The following BCAS3 variants were observed in gnomAD, a reference collection of about 807,000 sequenced individuals.
The protein encoded by BCAS3 is BCAS4/BCAS3 fusion.
In BCAS3, 53 loss-of-function variants were observed where a neutral mutation model predicts 116.1. The ratio of observed to expected loss-of-function variants is 0.46; its 90% CI spans 0.37 to 0.57. The LOEUF (loss-of-function observed/expected upper bound fraction) is 0.57. Among genes scored for constraint, BCAS3 ranks in the 20% least tolerant of loss-of-function variants. BCAS3 has a pLI of 0.00. For missense variants in BCAS3, 917 were observed against 1,165.4 expected, an observed-to-expected ratio of 0.79 and a Z score of 3.10; for synonymous variants, 391 against 408.2, an observed-to-expected ratio of 0.96 and a Z score of 0.51.
intron 22 of BCAS3, among the ~76,000 whole-genome samples, chr17:61,193,113 T>C (rs1369854613): frequency 6.6e-6 from 1 of 151,978 alleles, no homozygotes; most frequent in Non-Finnish European, 1.5e-5. Context: ...AATACAAAAA[T>C]TAGCTGGGTG....
At chr17:61,210,552 A>C (rs2081398350) in intron 22 of BCAS3, among the ~76,000 whole-genome samples, 1 of 152,250 alleles carries the variant, frequency 6.6e-6, no homozygotes, top group Non-Finnish European at 1.5e-5. Context: ...GAGTAAGATA[A>C]CATCAGTAAA....
intron 22 of BCAS3, among the ~76,000 whole-genome samples, chr17:61,120,600 T>A (rs2075736536): frequency 6.6e-6 from 1 of 152,096 alleles, no homozygotes. Context: ...TAGCAACCCA[T>A]CACCAAACTA....
At position 61,380,078 on chromosome 17, in the gene BCAS3, A is replaced by T. The variant is rs78287962; in HGVS notation, c.2593+11584A>T. ...TAGGATCCTGTGGTTAGTGCCCTTG[A>T]GCTGGTCTTTGTGACCTTTCTCTAA... On this transcript the variant is annotated intron_variant, in intron 23 of 23. Coordinates refer to ENST00000407086, the MANE Select transcript of BCAS3 (RefSeq NM_017679.5). The surrounding 1 kb of genome is among the most constrained non-coding windows in gnomAD (Gnocchi z 4.2). 7.4e-3 allele frequency: 1,390 copies of T among 188,974 alleles called. 25 individuals carry two copies. The highest frequency in any genetic ancestry group is 0.031 in the African/African-American group (1,299 of 42,566). 11.7% of individuals were successfully genotyped at this position (188,974 alleles called of 1,614,324 possible). A position where few individuals can be genotyped will look rare whatever the true frequency, so the allele number is the denominator to read the frequency against.
At chr17:61,329,672 G>C (rs2056090380) in intron 22 of BCAS3, among the ~76,000 whole-genome samples, 1 of 152,114 alleles carries the variant, frequency 6.6e-6, no homozygotes. Context: ...AGAAATAATA[G>C]TAAAGACTTT....
At chr17:60,892,337 A>G (rs1426966468) in intron 10 of BCAS3, among the ~76,000 whole-genome samples, 1 of 138,518 alleles carries the variant, frequency 7.2e-6, no homozygotes, top group African/African-American at 2.7e-5. Flanking sequence ...TTTGAGACAG[A>G]GTTTTGCTTT....
intron 5 of BCAS3, among the ~76,000 whole-genome samples, chr17:60,724,866 T>G (rs1176466380): frequency 6.6e-6 from 1 of 151,986 alleles, no homozygotes; most frequent in Non-Finnish European, 1.5e-5. Flanking sequence ...TTTCCTTTTT[T>G]GTAGAGACAG....
intron 2 of BCAS3, 127 bp from the exon 3 acceptor site, chr17:60,683,855 C>T: frequency 2.4e-6 from 2 of 843,612 alleles, no homozygotes; most frequent in Non-Finnish European, 3.7e-6. Flanking sequence ...ACAAAACAAA[C>T]AAAAAAACCC....
In BCAS3 at chr17:61,211,897, C is replaced by G. The variant is rs1267557941; in HGVS notation, c.2425+127333C>G. 3.9e-5 allele frequency among the ~76,000 whole-genome samples: 6 copies of G among 152,222 alleles called. No homozygotes were observed. Among genetic ancestry groups the G allele is most frequent in the Non-Finnish European group, 5.9e-5 (4 of 68,048 alleles). ...AAAGTTAATATCGTCAAAGATCTGA[C>G]TATAATCCATTTCATTCACTGTTGC... On this transcript the variant is annotated intron_variant, in intron 22 of 23. Coordinates refer to ENST00000407086, the MANE Select transcript of BCAS3 (RefSeq NM_017679.5). This position sits in a 1 kb window ranked among gnomAD's most constrained non-coding sequence, Gnocchi z 4.4.
In BCAS3 at chr17:61,124,618, G is replaced by A. The variant is rs1460352151; in HGVS notation, c.2425+40054G>A. Among the ~76,000 whole-genome samples the A allele has an allele frequency of 6.6e-6, 1 of 152,114 alleles. No homozygotes were observed. Among genetic ancestry groups the A allele is most frequent in the African/African-American group, 2.4e-5 (1 of 41,418 alleles). On this transcript the variant is annotated intron_variant, in intron 22 of 23. Coordinates refer to ENST00000407086, the MANE Select transcript of BCAS3 (RefSeq NM_017679.5). This position sits in a 1 kb window ranked among gnomAD's most constrained non-coding sequence, Gnocchi z 4.6. ...TATTTTTTCACTATTTTTCCCTAGT[G>A]AGTTATGTAGTTAATCATATTAAAC... is the stretch of plus-strand genomic sequence containing the variant.
intron 15 of BCAS3, among the ~76,000 whole-genome samples, chr17:61,015,294 G>A (rs572771484): frequency 1.3e-5 from 2 of 152,120 alleles, no homozygotes; most frequent in African/African-American, 4.8e-5. Flanking sequence ...CTTCTTTTTT[G>A]TTTGTTTGTT....
intron 14 of BCAS3, among the ~76,000 whole-genome samples, chr17:60,955,800 A>G (rs1457508455): frequency 1.3e-5 from 2 of 152,190 alleles, no homozygotes; most frequent in African/African-American, 4.8e-5. Context: ...ATTTTTGTCA[A>G]AAGTGCCTCA....
At chr17:61,306,698 C>T (rs1328687998) in intron 22 of BCAS3, among the ~76,000 whole-genome samples, 1 of 152,112 alleles carries the variant, frequency 6.6e-6, no homozygotes, top group Non-Finnish European at 1.5e-5. Context: ...ATCGCTTGAG[C>T]CCAGGAGCTC....
At chr17:61,238,527 G>A (rs1386432714) in intron 22 of BCAS3, among the ~76,000 whole-genome samples, 1 of 151,980 alleles carries the variant, frequency 6.6e-6, no homozygotes, top group Non-Finnish European at 1.5e-5. Flanking sequence ...AGGCACAAGA[G>A]TATTTCTGCT....
chr17:60,790,401 T>A (rs1449561594), intron 6 of BCAS3, among the ~76,000 whole-genome samples: 1 of 152,182 alleles, frequency 6.6e-6, no homozygotes, highest in Non-Finnish European at 1.5e-5. Flanking sequence ...TAGCCATTGT[T>A]AAAGGTGAAG....
Position 61,258,731 on chromosome 17 carries a change from G to T in BCAS3, c.2426-109596G>T, listed in dbSNP as rs908534942. Among the ~76,000 whole-genome samples the T allele has an allele frequency of 6.6e-6, 1 of 152,168 alleles. No homozygotes were observed. The highest frequency in any genetic ancestry group is 1.5e-5 in the Non-Finnish European group (1 of 68,024). ...TAGTAGACTCATTTGATATAACAGG[G>T]ACTGGTATACACCCTCTGTAGTTGA... On this transcript the variant is annotated intron_variant, in intron 22 of 23. Transcript: ENST00000407086. The surrounding 1 kb of genome is among the most constrained non-coding windows in gnomAD (Gnocchi z 4.7).
intron 9 of BCAS3, chr17:60,886,916 C>G (rs1305092175): frequency 2.0e-5 from 3 of 152,044 alleles, no homozygotes; most frequent in East Asian, 3.9e-4. Flanking sequence ...GTGCCCTGCC[C>G]CCAGAGGTGG....
intron 14 of BCAS3, among the ~76,000 whole-genome samples, chr17:60,972,667 G>A (rs1176447395): frequency 6.6e-6 from 1 of 151,952 alleles, no homozygotes; most frequent in African/African-American, 2.4e-5. Context: ...GCCCAGGCTG[G>A]TCTTGAATCC....
Position 61,074,976 on chromosome 17 carries a change from G to A in BCAS3, c.2086G>A (p.Ala696Thr), listed in dbSNP as rs1396840997. The A allele has an allele frequency of 6.2e-7, 1 of 1,613,746 alleles. No individual in the cohort carries two copies. Among genetic ancestry groups the A allele is most frequent in the African/African-American group, 1.3e-5 (1 of 75,026 alleles). The change falls in exon 20 of 24, where the codon GCT (alanine) becomes ACT (threonine). Residue 696 changes from alanine to threonine, a missense_variant. Around this residue, in one of 3 missense-constraint regions of BCAS3, gnomAD observed 807 missense variants for 1,026.0 expected, o/e 0.79. Transcript: ENST00000407086. ...ITRHGSYDSL[A>T]SDHSGQEDEE... Reference sequence around the variant, plus strand: ...TCGACATGGGTCTTACGACAGTTTAGCTTCTGACCATAGTGGACAGGAAGA... The same window carrying A: ...TCGACATGGGTCTTACGACAGTTTAACTTCTGACCATAGTGGACAGGAAGA...
rs2073277669 is a variant in BCAS3 at position 61,088,639 on chromosome 17, C to T, written c.2425+4075C>T. ...CTTGTTCCAAAACTTGAAGGCTATA[C>T]CTAATAGATAACCTTTCCTTGCTTC... On this transcript the variant is annotated intron_variant, in intron 22 of 23. Coordinates refer to ENST00000407086, the MANE Select transcript of BCAS3 (RefSeq NM_017679.5). The surrounding 1 kb of genome is among the most constrained non-coding windows in gnomAD (Gnocchi z 4.2). 6.6e-6 allele frequency among the ~76,000 whole-genome samples: 1 copy of T among 152,182 alleles called. No individual in the cohort carries two copies. Among genetic ancestry groups the T allele is most frequent in the Non-Finnish European group, 1.5e-5 (1 of 68,032 alleles).
Sources: gnomAD v4.1 joint callset for allele counts (sites outside exome capture counted in the v4.1 genomes callset) on GRCh38, gnomAD v4.1.1 for gene constraint, gnomAD v4.1.1 regional missense constraint, Gnocchi (gnomAD v3.1) non-coding constraint, MANE v1.5 for transcripts, NCBI Gene and HGNC (gene_info 2026-07-23, HGNC 2026-07-21) for gene names.